Variants in STXBP6 observed in about 807,000 individuals in gnomAD.
The protein encoded by STXBP6 is syntaxin binding protein 6, also known as syntaxin-binding protein 6.
Under a neutral mutation model 26.9 loss-of-function variants are expected in STXBP6, and 21 were observed. That is an observed-to-expected ratio of 0.78 (90% CI 0.55 to 1.12). The LOEUF (loss-of-function observed/expected upper bound fraction) is 1.12. Ranked by LOEUF, STXBP6 falls within the 50% of genes most tolerant of loss-of-function variation. The pLI is 0.00. For missense variants in STXBP6, 232 were observed against 257.9 expected (o/e 0.90, Z 0.69); for synonymous variants, 97 against 92.6 (o/e 1.05, Z -0.27).
chr14:24,927,495 C>T (rs2072220034), intron 2 of STXBP6, among the ~76,000 whole-genome samples: 1 of 152,198 alleles, frequency 6.6e-6, no homozygotes, highest in South Asian at 2.1e-4. Context: ...CCTTCAAAAA[C>T]CCTAGGAGTA....
At chr14:25,043,914 C>A (rs1424276447) in intron 1 of STXBP6, among the ~76,000 whole-genome samples, 1 of 152,064 alleles carries the variant, frequency 6.6e-6, no homozygotes, top group Non-Finnish European at 1.5e-5. Flanking sequence ...CGCAGTGGCT[C>A]ATGCCTGTAA....
chr14:24,980,217 G>T (rs1014565767), intron 1 of STXBP6, among the ~76,000 whole-genome samples: 3 of 152,104 alleles, frequency 2.0e-5, no homozygotes, highest in African/African-American at 4.8e-5. Flanking sequence ...TTTATGCAAA[G>T]AAAATCAATT....
At chr14:25,002,864 T>C (rs1330256624) in intron 1 of STXBP6, among the ~76,000 whole-genome samples, 2 of 152,006 alleles carry the variant, frequency 1.3e-5, no homozygotes, top group Non-Finnish European at 2.9e-5. Flanking sequence ...GTAGCTGGTA[T>C]TACAGGCGTG....
At chr14:24,837,303 T>C (rs967357591) in intron 4 of STXBP6, among the ~76,000 whole-genome samples, 5 of 152,176 alleles carry the variant, frequency 3.3e-5, no homozygotes, top group Non-Finnish European at 5.9e-5. Context: ...ACTATTTTCA[T>C]CAAAGTATTT....
At chr14:24,945,874 A>G (rs2072970173) in intron 2 of STXBP6, among the ~76,000 whole-genome samples, 1 of 152,212 alleles carries the variant, frequency 6.6e-6, no homozygotes. Context: ...AGAAAAGGGA[A>G]AGTGACTTCC....
intron 2 of STXBP6, among the ~76,000 whole-genome samples, chr14:24,878,124 G>T (rs968213349): frequency 6.6e-6 from 1 of 151,932 alleles, no homozygotes; most frequent in African/African-American, 2.4e-5. Flanking sequence ...AAGGAGATTA[G>T]CCCTTTGTGA....
intron 2 of STXBP6, among the ~76,000 whole-genome samples, chr14:24,874,209 C>T (rs189134891): frequency 1.4e-3 from 220 of 152,176 alleles, no homozygotes; most frequent in Middle Eastern, 0.014. Context: ...TCTGGCCAGT[C>T]GTCTGAATTG....
chr14:24,976,109 A>G (rs1327043044), intron 1 of STXBP6, among the ~76,000 whole-genome samples: 1 of 152,228 alleles, frequency 6.6e-6, no homozygotes, highest in African/African-American at 2.4e-5. Context: ...TATGATAAGT[A>G]TTAGAGATAC....
At chr14:24,878,676 T>G (rs2070236631) in intron 2 of STXBP6, 4 of 315,530 alleles carry the variant, frequency 1.3e-5, no homozygotes, top group South Asian at 1.2e-4. Flanking sequence ...CACTACAATG[T>G]GATAATGGCC....
At chr14:24,899,219 A>C in intron 2 of STXBP6, among the ~76,000 whole-genome samples, 1 of 152,230 alleles carries the variant, frequency 6.6e-6, no homozygotes, top group East Asian at 1.9e-4. Context: ...AATTAATTTC[A>C]ATAAAATTAA....
intron 1 of STXBP6, among the ~76,000 whole-genome samples, chr14:24,991,238 C>T (rs1163703098): frequency 6.6e-6 from 1 of 152,036 alleles, no homozygotes; most frequent in African/African-American, 2.4e-5. Flanking sequence ...CTAGTCATCC[C>T]CACTTCCAGT....
chr14:24,987,222 G>A (rs1385308153), intron 1 of STXBP6, among the ~76,000 whole-genome samples: 2 of 152,222 alleles, frequency 1.3e-5, no homozygotes, highest in Non-Finnish European at 2.9e-5. Flanking sequence ...AGGTACAGGA[G>A]TCACTTCTCC....
chr14:24,877,652 A>G (rs961031718), intron 2 of STXBP6, among the ~76,000 whole-genome samples: 13 of 152,296 alleles, frequency 8.5e-5, no homozygotes, highest in African/African-American at 3.1e-4. Flanking sequence ...CATTCTAAGG[A>G]TGAAACATGA....
At chr14:24,897,992 AT>A (rs1239461495) in intron 2 of STXBP6, among the ~76,000 whole-genome samples, 1 of 152,182 alleles carries the variant, frequency 6.6e-6, no homozygotes, top group Non-Finnish European at 1.5e-5. Flanking sequence ...CATGTAGACA[AT>A]GGTTGTTTCA....
chr14:24,894,703 T>TCC (rs1253410079), intron 2 of STXBP6, among the ~76,000 whole-genome samples: 1 of 152,160 alleles, frequency 6.6e-6, no homozygotes, highest in East Asian at 1.9e-4. Context: ...CATTAACTTT[T>TCC]CTCTATAGAC....
Position 25,049,866 on chromosome 14 carries a change from C to T in STXBP6, c.-33+12G>A, listed in dbSNP as rs2075779656. 1 of 985,282 alleles carries T rather than the reference C, an allele frequency of 1.0e-6. No individual in the cohort carries two copies. The highest frequency in any genetic ancestry group is 1.2e-6 in the Non-Finnish European group (1 of 829,990). 61.0% of individuals were successfully genotyped at this position (985,282 alleles called of 1,614,324 possible). On this transcript the variant is annotated intron_variant, in intron 1 of 5. Coordinates refer to ENST00000323944, the MANE Select transcript of STXBP6 (RefSeq NM_001394410.1). This position sits in a 1 kb window ranked among gnomAD's most constrained non-coding sequence, Gnocchi z 5.6. ...CGCCCTGACCGCCTGGCTCCCCTCG[C>T]CCCGGTCCTACCGTGCAGCCTGGCT...
chr14:24,835,968 C>T (rs1433421594), intron 4 of STXBP6, among the ~76,000 whole-genome samples: 1 of 152,224 alleles, frequency 6.6e-6, no homozygotes, highest in African/African-American at 2.4e-5. Flanking sequence ...ACAAGCATTA[C>T]TGCACACTGT....
At chr14:25,028,978 A>C (rs1468973630) in intron 1 of STXBP6, among the ~76,000 whole-genome samples, 1 of 152,216 alleles carries the variant, frequency 6.6e-6, no homozygotes, top group Non-Finnish European at 1.5e-5. Context: ...TACGTTGTGC[A>C]ATCTTATGAT....
chr14:24,960,412 A>G (rs896551452), intron 2 of STXBP6, among the ~76,000 whole-genome samples: 9 of 152,234 alleles, frequency 5.9e-5, no homozygotes, highest in African/African-American at 1.9e-4. Flanking sequence ...CAATAGATGC[A>G]TATTTTAAAT....
Sources: allele counts gnomAD v4.1 joint callset (sites outside exome capture counted in the v4.1 genomes callset), GRCh38; gene constraint gnomAD v4.1.1; non-coding constraint Gnocchi (gnomAD v3.1); transcripts MANE v1.5; gene names NCBI Gene and HGNC (gene_info 2026-07-23, HGNC 2026-07-21).